Variants in INPP5E observed in about 807,000 individuals in gnomAD.
INPP5E encodes the protein phosphatidylinositol polyphosphate 5-phosphatase type IV.
In INPP5E, 34 loss-of-function variants were observed where a neutral mutation model predicts 50.5. That is an observed-to-expected ratio of 0.67 (90% CI 0.51 to 0.90). INPP5E has a LOEUF of 0.90. Ranked by LOEUF, INPP5E falls within the 40% of genes least tolerant of loss-of-function variation. The pLI, the probability that INPP5E is intolerant of heterozygous loss-of-function variation, is 0.00. For synonymous variants in INPP5E, 447 were observed against 406.0 expected (o/e 1.10, Z -1.21); for missense variants, 942 against 905.5 (o/e 1.04, Z -0.52).
chr9:136,435,816 C>G (rs1835816735), intron 1 of INPP5E: 1 of 152,208 alleles, frequency 6.6e-6, no homozygotes, highest in Non-Finnish European at 1.5e-5. Flanking sequence ...GCCCGAGACG[C>G]TTGATTTACA....
At chr9:136,430,575 G>A (rs552035225) in intron 8 of INPP5E, among the ~76,000 whole-genome samples, 162 bp from the exon 9 acceptor site, 1 of 152,332 alleles carries the variant, frequency 6.6e-6, no homozygotes, top group East Asian at 1.9e-4. Flanking sequence ...TGGCCAGCTG[G>A]GCCAGGGCCT....
intron 1 of INPP5E, chr9:136,436,107 AC>A (rs1835823722): frequency 6.6e-6 from 1 of 151,728 alleles, no homozygotes; most frequent in Non-Finnish European, 1.5e-5. Context: ...AACTTCTTCA[AC>A]CCTGGCTGCG....
Position 136,431,876 on chromosome 9 carries a change from C to A in INPP5E, c.1497G>T (p.Val499=), listed in dbSNP as rs773939918. The stretch of plus-strand genomic sequence containing the variant: ...CGTGCTGCAGCAGCGCCGGCACGTC[C>A]ACCACCAGGCCCTGGCACAGGAGGG... ...VDALLCQGLV[V]DVPALLQHDQ... The change falls in exon 7 of 10, where the codon GTG becomes GTT. Residue 499 remains valine, a synonymous_variant. Transcript: ENST00000371712. 1.2e-6 allele frequency: 2 copies of A among 1,610,390 alleles called. No individual in the cohort carries two copies. Among genetic ancestry groups the A allele is most frequent in the Non-Finnish European group, 1.7e-6 (2 of 1,179,444 alleles).
In INPP5E at chr9:136,434,801, C is replaced by T. The variant is rs199873582; in HGVS notation, c.875G>A (p.Arg292His). ...GALLGADELARYFPDRNVALF... is the reference protein window; with the variant it reads ...GALLGADELAHYFPDRNVALF... ...TGCCACGTTCCGGTCTGGGAAGTAG[C>T]GGGCCAGCTCATCCGCCCCCAACAG... The change falls in exon 2 of 10, where the codon CGC becomes CAC. Residue 292 changes from arginine (R) to histidine (H), a missense_variant. Coordinates refer to ENST00000371712, the MANE Select transcript of INPP5E (RefSeq NM_019892.6). 2.6e-4 allele frequency: 416 copies of T among 1,612,102 alleles called. 1 individual carries two copies. Among genetic ancestry groups the T allele is most frequent in the East Asian group, 3.6e-4 (16 of 44,868 alleles).
At chr9:136,432,643 A>G in intron 5 of INPP5E, 57 bp from the exon 6 acceptor site, 1 of 1,174,360 alleles carries the variant, frequency 8.5e-7, no homozygotes, top group South Asian at 1.3e-5. Flanking sequence ...GAGTCTCCCT[A>G]AAGCGCCGCA....
rs1057520153 is a variant in INPP5E, at chr9:136,439,141, C to A, written c.279G>T (p.Arg93Ser). The stretch of plus-strand genomic sequence containing the variant: ...CCTCCTGGCTGCCTCGAAAACGCCT[C>A]CTCCTCCAGCCCTTGTCGTCCAGGG... The part of the protein sequence containing the change: ...ALSLDDKGWR[R>S]RRFRGSQEDL... The change falls in exon 1 of 10, where the codon AGG becomes AGT. Residue 93 changes from arginine (R) to serine (S), a missense_variant. Physicochemically the swap from Arg to Ser is moderately radical, Grantham distance 110. Coordinates refer to ENST00000371712, the MANE Select transcript of INPP5E (RefSeq NM_019892.6). 6.3e-7 allele frequency: 1 copy of A among 1,581,064 alleles called. No individual in the cohort carries two copies.
Position 136,434,032 on chromosome 9 carries a change from C to A in INPP5E, c.1034+5G>T. ...CAGGCACTGCAGGGCCTGCAGCCGC[C>A]CTACCTGTCAGAACAGCCCTCCTGG... On this transcript the variant is annotated splice_donor_5th_base_variant and intron_variant, in intron 3 of 9. Transcript: ENST00000371712. The A allele has an allele frequency of 1.2e-6, 2 of 1,603,216 alleles. No individual in the cohort carries two copies. Among genetic ancestry groups the A allele is most frequent in the African/African-American group, 1.3e-5 (1 of 74,964 alleles).
chr9:136,431,771 C>T, intron 7 of INPP5E, 53 bp downstream of exon 7: 2 of 529,930 alleles, frequency 3.8e-6, no homozygotes, highest in East Asian at 3.9e-5. Context: ...CCCGCCCCCC[C>T]AGGCCCTCAC....
At position 136,429,731 on chromosome 9, in the gene INPP5E, G is replaced by C. The variant is rs121918127; in HGVS notation, c.1879C>G (p.Gln627Glu). ...TGACTCTGTAGTGCTTGCTGCCTCT[G>C]AATCTCCTTCGAAATCCGTCTTTTA... ...GIKRRISKEI[Q>E]RQQALQSQNS... The change falls in exon 10 of 10, where the codon CAG becomes GAG. Residue 627 changes from glutamine to glutamate, a missense_variant. Coordinates refer to ENST00000371712, the MANE Select transcript of INPP5E (RefSeq NM_019892.6). The C allele has an allele frequency of 2.5e-6, 4 of 1,613,930 alleles. No homozygotes were observed. Among genetic ancestry groups the C allele is most frequent in the African/African-American group, 1.3e-5 (1 of 74,920 alleles).
chr9:136,430,839 G>A (rs1324413908), intron 8 of INPP5E, among the ~76,000 whole-genome samples, 163 bp downstream of exon 8: 1 of 152,048 alleles, frequency 6.6e-6, no homozygotes, highest in African/African-American at 2.4e-5. Flanking sequence ...TGGAGAGGGC[G>A]CCGTTCTCCA....
At position 136,439,337 on chromosome 9, in the gene INPP5E, G is replaced by A. The variant is rs1333129757; in HGVS notation, c.83C>T (p.Pro28Leu). ...PEGRTLQGQL[P>L]GAPPAQRAGS... ...CGCGCGCTGGGCCGGCGGAGCGCCG[G>A]GAAGCTGTCCTTGGAGCGTCCTCCC... The change falls in exon 1 of 10, where the codon CCC (proline) becomes CTC (leucine). Residue 28 changes from proline to leucine, a missense_variant. By Grantham distance (98) the Pro-to-Leu change is moderately conservative (BLOSUM62 -3). Transcript: ENST00000371712. 2.8e-6 allele frequency: 4 copies of A among 1,418,570 alleles called. No individual in the cohort carries two copies. Among genetic ancestry groups the A allele is most frequent in the Non-Finnish European group, 2.7e-6 (3 of 1,096,014 alleles). 87.9% of individuals were successfully genotyped at this position (1,418,570 alleles called of 1,614,324 possible).
chr9:136,434,923 G>T (rs1482471425), intron 1 of INPP5E, 60 bp from the exon 2 acceptor site: 6 of 1,561,426 alleles, frequency 3.8e-6, no homozygotes, highest in Admixed American at 1.9e-5. Flanking sequence ...GGGGGTCTGG[G>T]CCAGGTCCCC....
chr9:136,429,881 G>A (rs781634065), intron 9 of INPP5E, 74 bp from the exon 10 acceptor site: 49 of 1,091,508 alleles, frequency 4.5e-5, no homozygotes, highest in Admixed American at 7.1e-5. Context: ...GGCCGGCCCC[G>A]GAGGAGGGGG....
At chr9:136,434,326 C>T (rs568117694) in intron 2 of INPP5E, among the ~76,000 whole-genome samples, 192 bp from the exon 3 acceptor site, 14 of 152,294 alleles carry the variant, frequency 9.2e-5, no homozygotes, top group African/African-American at 3.1e-4. Flanking sequence ...CGTTGGCCCT[C>T]GGCCTGTTTC....
intron 9 of INPP5E, 107 bp from the exon 10 acceptor site, chr9:136,429,914 C>T: frequency 2.4e-6 from 2 of 837,668 alleles, no homozygotes; most frequent in South Asian, 1.4e-5. Flanking sequence ...CACCCAGGGC[C>T]AGGATGAGGG....
intron 1 of INPP5E, chr9:136,435,832 T>C (rs979602213): frequency 1.3e-5 from 2 of 152,256 alleles, no homozygotes; most frequent in African/African-American, 4.8e-5. Context: ...TTACAGACAC[T>C]GAAATCTGAA....
At chr9:136,432,421 C>G (rs547702148) in intron 6 of INPP5E, 58 bp downstream of exon 6, 1 of 1,215,148 alleles carries the variant, frequency 8.2e-7, no homozygotes, top group South Asian at 1.3e-5. Flanking sequence ...CTAAAAACGA[C>G]GGGCGCCCGT....
chr9:136,429,933 G>C (rs1835659944), intron 9 of INPP5E, 126 bp from the exon 10 acceptor site: 1 of 761,574 alleles, frequency 1.3e-6, no homozygotes, highest in Non-Finnish European at 2.2e-6. Context: ...GGGCTGTTAG[G>C]TGGGCACTGG....
Position 136,439,138 on chromosome 9 carries a change from C to T in INPP5E, c.282G>A (p.Arg94=), listed in dbSNP as rs772508292. ...GGTCCTCCTGGCTGCCTCGAAAACGCCTCCTCCTCCAGCCCTTGTCGTCCA... is the reference window on the plus strand; with the variant it reads ...GGTCCTCCTGGCTGCCTCGAAAACGTCTCCTCCTCCAGCCCTTGTCGTCCA... The part of the protein sequence containing the change: ...LSLDDKGWRR[R]RFRGSQEDLE... Residue 94 remains arginine (R), a synonymous_variant, in exon 1 of 10, where the codon AGG becomes AGA. Transcript: ENST00000371712. 42 of 1,582,714 alleles carry T rather than the reference C, an allele frequency of 2.7e-5. No homozygotes were observed. Among genetic ancestry groups the T allele is most frequent in the Non-Finnish European group, 3.5e-5 (41 of 1,168,622 alleles).
Sources: allele counts gnomAD v4.1 joint callset (sites outside exome capture counted in the v4.1 genomes callset), GRCh38; gene constraint gnomAD v4.1.1; transcripts MANE v1.5; gene names NCBI Gene and HGNC (gene_info 2026-07-23, HGNC 2026-07-21).